Variants in HPSE2 observed in about 807,000 individuals in gnomAD.
The protein encoded by HPSE2 is inactive heparanase-2.
Under a neutral mutation model 60.5 loss-of-function variants are expected in HPSE2, and 38 were observed. The observed-to-expected ratio is 0.63, with a 90% CI of 0.48 to 0.82. HPSE2 has a LOEUF of 0.82. Among genes scored for constraint, HPSE2 ranks in the 40% least tolerant of loss-of-function variants. HPSE2 has a pLI of 0.00. For synonymous variants in HPSE2, 295 were observed against 293.2 expected (o/e 1.01, Z -0.06); for missense variants, 713 against 740.4 (o/e 0.96, Z 0.43).
chr10:99,031,149 G>A (rs147843456), intron 3 of HPSE2, among the ~76,000 whole-genome samples: 270 of 152,230 alleles, frequency 1.8e-3, no homozygotes, highest in Non-Finnish European at 3.3e-3. Flanking sequence ...TAATAGGATT[G>A]TTTGTAACAC....
At chr10:99,220,522 AG>A (rs1438253031) in intron 2 of HPSE2, among the ~76,000 whole-genome samples, 1 of 152,112 alleles carries the variant, frequency 6.6e-6, no homozygotes, top group African/African-American at 2.4e-5. Flanking sequence ...CTGGGGATGG[AG>A]GCCAGGTGTG....
At chr10:99,227,838 T>TAC (rs1491315467) in intron 2 of HPSE2, among the ~76,000 whole-genome samples, 2 of 40,966 alleles carry the variant, frequency 4.9e-5, no homozygotes, top group East Asian at 7.9e-4. Context: ...GTTGAATGTC[T>TAC]ATATATATAT....
In HPSE2 at chr10:99,184,786, TTATATATA is replaced by T. The variant is rs1191226144; in HGVS notation, c.449-40395_449-40388del. Among the ~76,000 whole-genome samples the T allele has an allele frequency of 3.8e-3, 95 of 25,272 alleles. 2 individuals carry two copies. Among genetic ancestry groups the T allele is most frequent in the African/African-American group, 0.011 (80 of 7,086 alleles). 16.6% of individuals were successfully genotyped at this position (25,272 alleles called of 152,430 possible). The stretch of plus-strand genomic sequence containing the variant: ...GATGTGGCAACAGAACTATCCAAAA[TTATATATA>T]TATATATATATATATATATATATAT... On this transcript the variant is annotated intron_variant, in intron 2 of 11. Transcript: ENST00000370552.
At chr10:98,947,590 T>A (rs1655807191) in intron 3 of HPSE2, among the ~76,000 whole-genome samples, 1 of 152,084 alleles carries the variant, frequency 6.6e-6, no homozygotes, top group African/African-American at 2.4e-5. Context: ...AGTGCCATAT[T>A]CTAGAATAAA....
chr10:99,276,737 C>G, the HPSE2 span, among the ~76,000 whole-genome samples: 1 of 152,068 alleles, frequency 6.6e-6, no homozygotes, highest in African/African-American at 2.4e-5. Flanking sequence ...AATACAAAAA[C>G]AGGCAAATTC....
rs779720749 is a variant in HPSE2 at position 98,852,113 on chromosome 10, A to ATATATATGTGTGTGTGTG, written c.611-108058_611-108057insCACACACACACATATATA. ...GGTTTTGCAAACCTTGTATATTATG[A>ATATATATGTGTGTGTGTG]TGTGTGTGTGTGTGTGTGTGTGTGT... On this transcript the variant is annotated intron_variant, in intron 3 of 11. Transcript: ENST00000370552. Among the ~76,000 whole-genome samples the ATATATATGTGTGTGTGTG allele has an allele frequency of 2.3e-3, 209 of 91,904 alleles. 1 individual carries two copies. The highest frequency in any genetic ancestry group is 3.2e-3 in the Non-Finnish European group (154 of 47,422). 60.3% of individuals were successfully genotyped at this position (91,904 alleles called of 152,430 possible). A position where few individuals can be genotyped will look rare whatever the true frequency, so the allele number is the denominator to read the frequency against.
In HPSE2 at chr10:98,474,679, A is replaced by G. The variant is rs151243298; in HGVS notation, c.1613+7957T>C. Among the ~76,000 whole-genome samples the G allele has an allele frequency of 2.0e-5, 3 of 152,362 alleles. No individual in the cohort carries two copies. The East Asian group carries it at 5.8e-4, about 29-fold the overall frequency. On this transcript the variant is annotated intron_variant, in intron 11 of 11. Transcript: ENST00000370552. Reference sequence around the variant, plus strand: ...AAAGATGTGCATTTCTTCACAGAATAGGCAATAAGATTTTTGGTTCATAGG... The same window carrying G: ...AAAGATGTGCATTTCTTCACAGAATGGGCAATAAGATTTTTGGTTCATAGG...
intron 3 of HPSE2, among the ~76,000 whole-genome samples, chr10:98,851,769 G>T (rs766022642): frequency 4.6e-5 from 7 of 152,074 alleles, no homozygotes; most frequent in Non-Finnish European, 1.0e-4. Context: ...CCACCTCCAA[G>T]AAAGTTTCAA....
intron 6 of HPSE2, among the ~76,000 whole-genome samples, chr10:98,681,455 A>G (rs1403337453): frequency 6.6e-6 from 1 of 152,220 alleles, no homozygotes; most frequent in African/African-American, 2.4e-5. Context: ...AAAATCATGC[A>G]TGGGTAAAAG....
intron 5 of HPSE2, among the ~76,000 whole-genome samples, chr10:98,715,847 G>C (rs1014442456): frequency 4.6e-5 from 7 of 151,964 alleles, no homozygotes; most frequent in African/African-American, 1.7e-4. Context: ...ATTACTAGAA[G>C]GCTGGGATGG....
At chr10:99,040,672 C>T (rs907631650) in intron 3 of HPSE2, among the ~76,000 whole-genome samples, 6 of 152,138 alleles carry the variant, frequency 3.9e-5, no homozygotes, top group Non-Finnish European at 8.8e-5. Context: ...AAAACTTCCA[C>T]ATCTCTATAG....
chr10:98,825,288 G>A (rs1361287365), intron 3 of HPSE2, among the ~76,000 whole-genome samples: 1 of 152,136 alleles, frequency 6.6e-6, no homozygotes, highest in Non-Finnish European at 1.5e-5. Context: ...TGAAAGAAAG[G>A]AAGAAAGAGT....
At chr10:98,960,016 A>G (rs1955610408) in intron 3 of HPSE2, among the ~76,000 whole-genome samples, 1 of 152,006 alleles carries the variant, frequency 6.6e-6, no homozygotes, top group Admixed American at 6.6e-5. Context: ...TCTTCCATAA[A>G]CTTTGCCTCT....
intron 9 of HPSE2, among the ~76,000 whole-genome samples, chr10:98,606,422 G>C (rs1945587882): frequency 6.6e-6 from 1 of 152,218 alleles, no homozygotes; most frequent in South Asian, 2.1e-4. Flanking sequence ...CTCTGGGGTT[G>C]GTGCCTAAGC....
chr10:98,647,464 G>C (rs1409252956), intron 6 of HPSE2, among the ~76,000 whole-genome samples: 1 of 152,152 alleles, frequency 6.6e-6, no homozygotes, highest in Non-Finnish European at 1.5e-5. Context: ...TTTGCTCCCT[G>C]CTAGTTTCAA....
At chr10:99,085,128 T>C (rs890753406) in intron 3 of HPSE2, among the ~76,000 whole-genome samples, 1 of 152,208 alleles carries the variant, frequency 6.6e-6, no homozygotes, top group South Asian at 2.1e-4. Context: ...TAGAGTGAGA[T>C]GCTAGTGTGC....
At chr10:98,941,173 AAGAC>A (rs1954987790) in intron 3 of HPSE2, among the ~76,000 whole-genome samples, 1 of 138,998 alleles carries the variant, frequency 7.2e-6, no homozygotes, top group Non-Finnish European at 1.5e-5. Context: ...AAACTGGCAC[AAGAC>A]AGGGATGCCC....
upstream of HPSE2, chr10:99,235,976 TCG>T (rs1334473931): frequency 4.8e-5 from 23 of 478,270 alleles, no homozygotes; most frequent in African/African-American, 4.7e-4. Flanking sequence ...TCTCGCTCGC[TCG>T]CTCGCTCGTT....
chr10:98,828,994 T>G (rs1589899234), intron 3 of HPSE2, among the ~76,000 whole-genome samples: 1 of 152,244 alleles, frequency 6.6e-6, no homozygotes, highest in South Asian at 2.1e-4. Flanking sequence ...AAATGGAATA[T>G]TATTTGGCCT....
Sources: allele counts gnomAD v4.1 joint callset (sites outside exome capture counted in the v4.1 genomes callset), GRCh38; gene constraint gnomAD v4.1.1; transcripts MANE v1.5; gene names NCBI Gene and HGNC (gene_info 2026-07-23, HGNC 2026-07-21).